The following SIGLEC9 variants were observed in gnomAD, a reference collection of about 807,000 sequenced individuals.
SIGLEC9 encodes sialic acid-binding Ig-like lectin 9.
A neutral mutation model predicts 38.3 loss-of-function variants in SIGLEC9; 26 were observed. That is an observed-to-expected ratio of 0.68 (90% CI 0.50 to 0.94). SIGLEC9 has a LOEUF of 0.94. SIGLEC9 is among the 40% of genes least tolerant of loss of function. The probability of loss-of-function intolerance (pLI) is 0.00; values close to 1 mark genes in which losing one functional copy is unlikely to be tolerated. For synonymous variants in SIGLEC9, 236 were observed against 248.0 expected (o/e 0.95, Z 0.45); for missense variants, 556 against 585.7 (o/e 0.95, Z 0.52).
chr19:51,133,170 CAG>C (rs1369587843), downstream of SIGLEC9, among the ~76,000 whole-genome samples: 1 of 151,984 alleles, frequency 6.6e-6, no homozygotes, highest in Non-Finnish European at 1.5e-5. Context: ...TAGAGTAATA[CAG>C]AGAGTGTGGT....
intron 3 of SIGLEC9, among the ~76,000 whole-genome samples, chr19:51,126,762 C>T (rs928854787): frequency 1.3e-5 from 2 of 152,210 alleles, no homozygotes; most frequent in South Asian, 2.1e-4. Context: ...GTATCTACTT[C>T]CACAGGAATA....
At chr19:51,135,196 T>C (rs368167576), downstream of SIGLEC9, among the ~76,000 whole-genome samples, 18 of 152,358 alleles carry the variant, frequency 1.2e-4, 3 homozygotes, top group Admixed American at 2.0e-4. Context: ...AACACCACTT[T>C]CTGTGGTGTC....
At position 51,125,619 on chromosome 19, in the gene SIGLEC9, C is replaced by A. The variant is rs1420348371; in HGVS notation, c.444C>A (p.Ile148=). The change falls in exon 2 of 7, where the codon ATC becomes ATA. Residue 148 remains isoleucine, a synonymous_variant. Transcript: ENST00000250360. ...NVTALTHRPN[I]LIPGTLESGC... is the part of the protein sequence containing the mutation. Reference sequence around the variant, plus strand: ...CAGCCTTGACCCACAGGCCCAACATCCTCATCCCAGGCACCCTGGAGTCCG... The same window carrying A: ...CAGCCTTGACCCACAGGCCCAACATACTCATCCCAGGCACCCTGGAGTCCG... 1 of 1,611,968 alleles carries A rather than the reference C, an allele frequency of 6.2e-7. No homozygotes were observed.
At chr19:51,135,228 G>A (rs535406170), downstream of SIGLEC9, among the ~76,000 whole-genome samples, 15 of 152,156 alleles carry the variant, frequency 9.9e-5, no homozygotes, top group Non-Finnish European at 4.4e-5. Flanking sequence ...TTTCACTTCT[G>A]TGTTTGGCAC....
intron 5 of SIGLEC9, 71 bp from the exon 6 acceptor site, chr19:51,128,343 T>C: frequency 1.3e-6 from 2 of 1,533,308 alleles, no homozygotes; most frequent in Middle Eastern, 2.2e-4. Flanking sequence ...AGGAAACACA[T>C]GGGGGTACCT....
rs775987086 is a variant in SIGLEC9 at position 51,125,793 on chromosome 19, C to T, written c.618C>T (p.Asp206=). Reference sequence around the variant, plus strand: ...TCACCCTCATCCCACAGCCCCAGGACCATGGCACCAGCCTCACCTGTCAGG... The same window carrying T: ...TCACCCTCATCCCACAGCCCCAGGATCATGGCACCAGCCTCACCTGTCAGG... ...SVLTLIPQPQ[D]HGTSLTCQVT... is the part of the protein sequence containing the mutation. Residue 206 remains aspartate, a synonymous_variant, in exon 2 of 7, where the codon GAC becomes GAT. Transcript: ENST00000250360. The T allele has an allele frequency of 2.5e-6, 4 of 1,614,150 alleles. No individual in the cohort carries two copies. Among genetic ancestry groups the T allele is most frequent in the Middle Eastern group, 1.6e-4 (1 of 6,062 alleles).
chr19:51,122,271 C>T (rs1035966332), upstream of SIGLEC9, among the ~76,000 whole-genome samples: 7 of 152,040 alleles, frequency 4.6e-5, no homozygotes, highest in Admixed American at 1.3e-4. This position sits in a 1 kb window ranked among gnomAD's most constrained non-coding sequence, Gnocchi z 4.1. Flanking sequence ...GCGTGGACTC[C>T]GGGATTTGTG....
At position 51,125,644 on chromosome 19, in the gene SIGLEC9, G is replaced by A. The variant is rs756169827; in HGVS notation, c.469G>A (p.Gly157Ser). Residue 157 changes from glycine to serine, a missense_variant, in exon 2 of 7, where the codon GGC (glycine) becomes AGC (serine). Transcript: ENST00000250360. ...NILIPGTLESGCPQNLTCSVP... is the reference protein window; with the variant it reads ...NILIPGTLESSCPQNLTCSVP... The stretch of plus-strand genomic sequence containing the variant: ...CCTCATCCCAGGCACCCTGGAGTCC[G>A]GCTGCCCCCAGAATCTGACCTGCTC... The A allele has an allele frequency of 1.1e-5, 18 of 1,613,214 alleles. 1 individual carries two copies. Among genetic ancestry groups the A allele is most frequent in the South Asian group, 6.6e-5 (6 of 91,094 alleles).
At chr19:51,126,250 G>A (rs1465577340) in intron 3 of SIGLEC9, 122 bp downstream of exon 3, 19 of 988,020 alleles carry the variant, frequency 1.9e-5, no homozygotes, top group Non-Finnish European at 3.1e-5. Context: ...GTGAACTCAG[G>A]GCCCCTCTGT....
At position 51,127,305 on chromosome 19, in the gene SIGLEC9, A is replaced by G. The variant is rs762172301; in HGVS notation, c.1015+9A>G. The G allele has an allele frequency of 2.3e-5, 37 of 1,601,680 alleles. No homozygotes were observed. The South Asian group carries it at 3.9e-4, about 17-fold the overall frequency. ...GAACGTCTCCCTGCAGAGTGAGTGC[A>G]CCAGTATGCTGGGGAGGGGCTGGAG... is the stretch of plus-strand genomic sequence containing the variant. On this transcript the variant is annotated intron_variant, in intron 4 of 6. Transcript: ENST00000250360.
At position 51,127,167 on chromosome 19, in the gene SIGLEC9, C is replaced by T; in HGVS notation, c.886C>T (p.Pro296Ser). The T allele has an allele frequency of 6.2e-7, 1 of 1,614,244 alleles. No homozygotes were observed. The change falls in exon 4 of 7, where the codon CCC (proline) becomes TCC (serine). Residue 296 changes from proline to serine, a missense_variant. Physicochemically the swap from Pro to Ser is moderately conservative, Grantham distance 74. Transcript: ENST00000250360. ...GAGCTGGAGAGGCCTGACCCTGTGC[C>T]CCTCACAGCCCTCAAACCCGGGGGT... ...SLSWRGLTLC[P>S]SQPSNPGVLE...
chr19:51,124,852 C>A, upstream of SIGLEC9: 1 of 1,292,456 alleles, frequency 7.7e-7, no homozygotes, highest in African/African-American at 1.5e-5. Context: ...GAGGAGGTCA[C>A]TGTTCCGACC....
In SIGLEC9 at chr19:51,125,733, C is replaced by T. The variant is rs754004687; in HGVS notation, c.558C>T (p.Ser186=). The T allele has an allele frequency of 1.4e-5, 22 of 1,613,952 alleles. No homozygotes were observed. In the South Asian group the frequency reaches 2.3e-4, roughly 17 times the overall value. ...PMISWIGTSV[S]PLDPSTTRSS... ...TCTCCTGGATAGGGACCTCCGTGTC[C>T]CCCCTGGACCCCTCCACCACCCGCT... The change falls in exon 2 of 7, where the codon TCC becomes TCT. Residue 186 remains serine, a synonymous_variant. Transcript: ENST00000250360.
At chr19:51,126,175 G>T in intron 3 of SIGLEC9, 47 bp downstream of exon 3, 2 of 1,559,848 alleles carry the variant, frequency 1.3e-6, no homozygotes, top group Non-Finnish European at 1.8e-6. Context: ...GGGCCTTCAG[G>T]TCAGGATGGG....
downstream of SIGLEC9, among the ~76,000 whole-genome samples, chr19:51,133,028 A>C (rs570116692): frequency 1.3e-5 from 2 of 151,744 alleles, no homozygotes; most frequent in African/African-American, 4.8e-5. Flanking sequence ...TATTGTAAAT[A>C]TAAGTTTATA....
At chr19:51,127,397 T>TGAA in intron 4 of SIGLEC9, 101 bp downstream of exon 4, 10 of 1,303,420 alleles carry the variant, frequency 7.7e-6, no homozygotes, top group African/African-American at 1.5e-5. Context: ...AGCTCCGCTC[T>TGAA]GGTCTGTGCT....
chr19:51,131,444 G>A (rs1207195126), downstream of SIGLEC9, among the ~76,000 whole-genome samples: 3 of 152,002 alleles, frequency 2.0e-5, no homozygotes, highest in Non-Finnish European at 2.9e-5. Flanking sequence ...AAATTAGCCG[G>A]GCGTGGTGGC....
In SIGLEC9 at chr19:51,124,995, C is replaced by A; in HGVS notation, c.21C>A (p.Pro7=). 6.2e-7 allele frequency: 1 copy of A among 1,608,926 alleles called. No homozygotes were observed. Among genetic ancestry groups the A allele is most frequent in the South Asian group, 1.1e-5 (1 of 90,296 alleles). ...CAGACATGCTGCTGCTGCTGCTGCC[C>A]CTGCTCTGGGGGAGGGAGAGGGCGG... The part of the protein sequence containing the change: MLLLLL[P]LLWGRERAEG... The change falls in exon 1 of 7, where the codon CCC becomes CCA. Residue 7 remains proline (P), a synonymous_variant. Coordinates refer to ENST00000250360, the MANE Select transcript of SIGLEC9 (RefSeq NM_014441.3).
chr19:51,128,095 G>A lies in SIGLEC9; in HGVS notation c.1106+56G>A. 4.9e-6 allele frequency: 7 copies of A among 1,422,020 alleles called. No homozygotes were observed. The South Asian group carries it at 8.2e-5, about 17-fold the overall frequency. The allele number at this position is 1,422,020 out of a possible 1,614,324, so 88.1% of individuals were successfully genotyped here. On this transcript the variant is annotated intron_variant, in intron 5 of 6. Transcript: ENST00000250360. The stretch of plus-strand genomic sequence containing the variant: ...GAGAGCCCTGGGGGAGGACAGGCTG[G>A]AAGCTGGATCCCTGAAGCCAGAGCT...
Sources: gnomAD v4.1 joint callset for allele counts (sites outside exome capture counted in the v4.1 genomes callset) on GRCh38, gnomAD v4.1.1 for gene constraint, Gnocchi (gnomAD v3.1) non-coding constraint, MANE v1.5 for transcripts, NCBI Gene and HGNC (gene_info 2026-07-23, HGNC 2026-07-21) for gene names.